Variants in CFAP99 observed in about 807,000 individuals in gnomAD.
The protein encoded by CFAP99 is cilia and flagella associated protein 99.
In CFAP99, 84 loss-of-function variants were observed where a neutral mutation model predicts 82.7. The observed-to-expected ratio is 1.02, with a 90% CI of 0.85 to 1.22. The LOEUF is 1.22. CFAP99 is among the 50% of genes most tolerant of loss of function. CFAP99 has a pLI of 0.00. For synonymous variants in CFAP99, 456 were observed against 429.5 expected, an observed-to-expected ratio of 1.06 and a Z score of -0.76; for missense variants, 1,059 against 983.5, an observed-to-expected ratio of 1.08 and a Z score of -1.03.
chr4:2,457,878 G>A (rs1263688542), intron 11 of CFAP99, among the ~76,000 whole-genome samples: 1 of 152,230 alleles, frequency 6.6e-6, no homozygotes, highest in Non-Finnish European at 1.5e-5. Context: ...GGTGGGCGTG[G>A]CCATCTTCAT....
At chr4:2,443,138 G>A in exon 5 of CFAP99, 2 of 1,533,788 alleles carry the variant, frequency 1.3e-6, no homozygotes, top group Non-Finnish European at 1.7e-6. Flanking sequence ...AGTTCCTCAG[G>A]TTCTTCTTCA....
At position 2,462,687 on chromosome 4, in the gene CFAP99, G is replaced by C. The variant is rs1288027936; in HGVS notation, c.1906G>C (p.Gly636Arg). The C allele has an allele frequency of 3.9e-5, 49 of 1,256,884 alleles. No individual in the cohort carries two copies. The highest frequency in any genetic ancestry group is 4.9e-5 in the Non-Finnish European group (49 of 1,001,188). The allele number at this position is 1,256,884 out of a possible 1,614,324, so 77.9% of individuals were successfully genotyped here. A position where few individuals can be genotyped will look rare whatever the true frequency, so the allele number is the denominator to read the frequency against. The change falls in exon 15 of 15, where the codon GGC becomes CGC. Residue 636 changes from glycine to arginine, a missense_variant. Physicochemically the swap from Gly to Arg is moderately radical, Grantham distance 125 (BLOSUM62 -2). Transcript: ENST00000635017. This position sits in a 1 kb window ranked among gnomAD's most constrained non-coding sequence, Gnocchi z 4.1. Reference sequence around the variant, plus strand: ...ATGGCGGGCGCGGCGCGCAGGGACCGGCGTCCCGGGGCGGGGATGGCGGGG... The same window carrying C: ...ATGGCGGGCGCGGCGCGCAGGGACCCGCGTCCCGGGGCGGGGATGGCGGGG...
intron 1 of CFAP99, among the ~76,000 whole-genome samples, chr4:2,426,172 G>A (rs2013276): frequency 0.3 from 46,065 of 152,046 alleles, 8,069 homozygotes; most frequent in East Asian, 0.52. Context: ...CTGTGGTGAT[G>A]GGGGTGACCT....
intron 2 of CFAP99, among the ~76,000 whole-genome samples, chr4:2,433,997 A>G (rs1733854047): frequency 6.6e-6 from 1 of 152,088 alleles, no homozygotes; most frequent in Non-Finnish European, 1.5e-5. Context: ...TCAAAAAGAG[A>G]CTTGAAGGGG....
chr4:2,424,883 C>T (rs1031235965), intron 1 of CFAP99, among the ~76,000 whole-genome samples: 31 of 152,312 alleles, frequency 2.0e-4, no homozygotes, highest in African/African-American at 7.0e-4. Context: ...GGGCCTTGTC[C>T]GTCCAGAAGA....
At chr4:2,442,947 C>CT (rs1424454091) in intron 4 of CFAP99, among the ~76,000 whole-genome samples, 183 bp from the exon 5 acceptor site, 1 of 38,846 alleles carries the variant, frequency 2.6e-5, no homozygotes, top group Non-Finnish European at 4.7e-5. Context: ...TTGGGGGGAG[C>CT]CACTGGGGGT....
At chr4:2,459,454 G>A (rs1359439785) in intron 13 of CFAP99, among the ~76,000 whole-genome samples, 196 bp downstream of exon 13, 1 of 152,226 alleles carries the variant, frequency 6.6e-6, no homozygotes, top group Non-Finnish European at 1.5e-5. Flanking sequence ...CAAGCCTGCG[G>A]GCAAGGCACA....
At chr4:2,449,997 C>A in exon 8 of CFAP99, 3 of 1,536,024 alleles carry the variant, frequency 2.0e-6, no homozygotes, top group Non-Finnish European at 1.7e-6. Context: ...CTGCAGGGAG[C>A]GAGTGCAGGT....
At chr4:2,454,343 G>T (rs1219497165) in intron 11 of CFAP99, among the ~76,000 whole-genome samples, 2 of 151,778 alleles carry the variant, frequency 1.3e-5, no homozygotes, top group African/African-American at 4.8e-5. Context: ...CACTGTGTTG[G>T]CCAGGCTGGT....
At position 2,426,434 on chromosome 4, in the gene CFAP99, C is replaced by T. The variant is rs575706597; in HGVS notation, c.-17-25C>T. The T allele has an allele frequency of 1.3e-5, 19 of 1,425,028 alleles. No homozygotes were observed. The South Asian group carries it at 1.5e-4, about 11-fold the overall frequency. 88.3% of individuals were successfully genotyped at this position (1,425,028 alleles called of 1,614,324 possible). On this transcript the variant is annotated intron_variant, in intron 1 of 14. Transcript: ENST00000635017. Reference sequence around the variant, plus strand: ...GCGGCTACATCCCAGGTGTGGAGGGCGTGACCTGCACGGTTTGTTCTTAGG... The same window carrying T: ...GCGGCTACATCCCAGGTGTGGAGGGTGTGACCTGCACGGTTTGTTCTTAGG...
chr4:2,455,514 A>AAAAC (rs930681230), intron 11 of CFAP99, among the ~76,000 whole-genome samples: 10 of 152,074 alleles, frequency 6.6e-5, no homozygotes, highest in African/African-American at 1.2e-4. Flanking sequence ...GTCTACTAAA[A>AAAAC]AAACAAACAA....
intron 2 of CFAP99, among the ~76,000 whole-genome samples, chr4:2,429,593 C>T (rs1389027554): frequency 7.2e-6 from 1 of 139,156 alleles, no homozygotes; most frequent in Non-Finnish European, 1.6e-5. Flanking sequence ...TTCTTTCTTT[C>T]TTTTTTTTTT....
At position 2,437,054 on chromosome 4, in the gene CFAP99, G is replaced by A. The variant is rs753799457; in HGVS notation, c.256+36G>A. On this transcript the variant is annotated intron_variant, in intron 3 of 14. Coordinates refer to ENST00000635017, the Ensembl canonical transcript of CFAP99. The stretch of plus-strand genomic sequence containing the variant: ...GGCTGGTCCCCAGGGCCAGGCCGTA[G>A]AGACGGTTCACTCAGGCTCTCTGCG... 11 of 1,535,154 alleles carry A rather than the reference G, an allele frequency of 7.2e-6. 1 individual carries two copies. In the South Asian group the frequency reaches 1.3e-4, roughly 18 times the overall value.
intron 11 of CFAP99, among the ~76,000 whole-genome samples, chr4:2,455,510 T>TA (rs35260701): frequency 6.6e-6 from 1 of 151,904 alleles, no homozygotes; most frequent in Non-Finnish European, 1.5e-5. Flanking sequence ...CCATGTCTAC[T>TA]AAAAAAACAA....
intron 12 of CFAP99, 44 bp downstream of exon 12, chr4:2,458,908 C>G: frequency 2.0e-6 from 3 of 1,508,592 alleles, no homozygotes; most frequent in Non-Finnish European, 2.7e-6. Context: ...CGCTCTTCCC[C>G]ACTCGGGTGC....
At chr4:2,432,156 C>A (rs1733813216) in intron 2 of CFAP99, among the ~76,000 whole-genome samples, 1 of 152,236 alleles carries the variant, frequency 6.6e-6, no homozygotes, top group African/African-American at 2.4e-5. Flanking sequence ...CCATCCTTAA[C>A]ATGTACTGTT....
At chr4:2,428,436 C>T (rs1427614050) in intron 2 of CFAP99, 9 of 152,314 alleles carry the variant, frequency 5.9e-5, no homozygotes, top group Non-Finnish European at 1.0e-4. Context: ...CTCCCGCGGT[C>T]CTTCCCTTCT....
At chr4:2,419,489 G>T (rs80277541) in intron 1 of CFAP99, among the ~76,000 whole-genome samples, 3 of 152,128 alleles carry the variant, frequency 2.0e-5, no homozygotes, top group African/African-American at 7.2e-5. Flanking sequence ...TCCAGATCAC[G>T]GCGGATCTGG....
intron 1 of CFAP99, among the ~76,000 whole-genome samples, 178 bp downstream of exon 1, chr4:2,419,271 G>C (rs1280149182): frequency 6.6e-6 from 1 of 151,538 alleles, no homozygotes; most frequent in Non-Finnish European, 1.5e-5. Context: ...CACTATCAGC[G>C]GTGCGTTCTA....
Sources: allele counts gnomAD v4.1 joint callset (sites outside exome capture counted in the v4.1 genomes callset), GRCh38; gene constraint gnomAD v4.1.1; non-coding constraint Gnocchi (gnomAD v3.1); transcripts MANE v1.5; gene names NCBI Gene and HGNC (gene_info 2026-07-23, HGNC 2026-07-21).